The following ZNF439 variants were observed in gnomAD, a reference collection of about 807,000 sequenced individuals.
The protein encoded by ZNF439 is zinc finger protein 439.
A neutral mutation model predicts 47.3 loss-of-function variants in ZNF439; 40 were observed. The observed-to-expected ratio is 0.85, with a 90% confidence interval of 0.66 to 1.10. The LOEUF (loss-of-function observed/expected upper bound fraction) is 1.10. Ranked by LOEUF, ZNF439 falls within the 50% of genes least tolerant of loss-of-function variation. ZNF439 has a pLI of 0.00. For synonymous variants in ZNF439, 171 were observed against 198.8 expected, an observed-to-expected ratio of 0.86 and a Z score of 1.18; for missense variants, 556 against 601.1, an observed-to-expected ratio of 0.93 and a Z score of 0.78.
intron 1 of ZNF439, among the ~76,000 whole-genome samples, chr19:11,859,606 A>G (rs1393047148): frequency 1.3e-5 from 2 of 152,160 alleles, no homozygotes; most frequent in African/African-American, 4.8e-5. Context: ...AATTCCTTCA[A>G]CAACTTAAAC....
chr19:11,862,855 T>A (rs1490274209), intron 1 of ZNF439, among the ~76,000 whole-genome samples: 5 of 152,052 alleles, frequency 3.3e-5, no homozygotes, highest in Admixed American at 3.3e-4. Context: ...TTCCAGTGAT[T>A]CTTCTGCCTC....
In ZNF439 at chr19:11,848,874, T is replaced by C; in HGVS notation, c.7T>C (p.Cys3Arg). The C allele has an allele frequency of 6.4e-7, 1 of 1,568,166 alleles. No homozygotes were observed. The highest frequency in any genetic ancestry group is 2.4e-5 in the East Asian group (1 of 41,994). The change falls in exon 1 of 4, where the codon TGC (cysteine) becomes CGC (arginine). Residue 3 changes from cysteine (C) to arginine (R), a missense_variant. Transcript: ENST00000682736. ...TCGCTCTGTCACCTGCGCTATGCCC[T>C]GCTTTACTCACAGGAGCTGTAGAGA... The part of the protein sequence containing the change: MP[C>R]FTHRSCREDP...
rs1976723760 is a variant in ZNF439 at position 11,867,550 on chromosome 19, CAACAA to C, written c.497_501del (p.Gln166ProfsTer2). 3.7e-6 allele frequency: 6 copies of C among 1,613,976 alleles called. No individual in the cohort carries two copies. In the African/African-American group the frequency reaches 6.7e-5, roughly 18 times the overall value. ...ATATGGACCAAAGCCATGGAAGAGT[CAACAA>C]CCTAAAAAAGCCTTCAGATATCACC... On this transcript the variant is annotated frameshift_variant, in exon 4 of 4. Coordinates refer to ENST00000682736, the MANE Select transcript of ZNF439 (RefSeq NM_001348719.2). LOFTEE classifies it high-confidence loss of function.
At chr19:11,864,025 A>G (rs1317707379) in intron 1 of ZNF439, among the ~76,000 whole-genome samples, 3 of 152,024 alleles carry the variant, frequency 2.0e-5, no homozygotes, top group East Asian at 1.9e-4. Context: ...AGATTTTTCT[A>G]TGTTCCTAGT....
intron 1 of ZNF439, chr19:11,849,235 T>G: frequency 1.9e-6 from 2 of 1,039,096 alleles, no homozygotes; most frequent in South Asian, 6.4e-5. Context: ...TCGACTCGGG[T>G]GTGGATTTCG....
intron 1 of ZNF439, chr19:11,865,871 T>C (rs1368936477): frequency 8.6e-6 from 3 of 348,768 alleles, no homozygotes; most frequent in Non-Finnish European, 1.3e-5. Flanking sequence ...CTACTAAAAA[T>C]ACAAAATTAG....
At position 11,867,461 on chromosome 19, in the gene ZNF439, G is replaced by C. The variant is rs764205273; in HGVS notation, c.407G>C (p.Gly136Ala). 1.9e-6 allele frequency: 3 copies of C among 1,614,082 alleles called. No homozygotes were observed. The South Asian group carries it at 3.3e-5, about 18-fold the overall frequency. ...AGCTTTGTGTGTGAAGTTGGCCTAG[G>C]TAACTCATCTTCTAATATGAACATC... ...CDSFVCEVGL[G>A]NSSSNMNIRG... Residue 136 changes from glycine (G) to alanine (A), a missense_variant, in exon 4 of 4, where the codon GGT becomes GCT. Transcript: ENST00000682736.
At chr19:11,862,909 C>A (rs1976576438) in intron 1 of ZNF439, among the ~76,000 whole-genome samples, 1 of 151,862 alleles carries the variant, frequency 6.6e-6, no homozygotes, top group Non-Finnish European at 1.5e-5. Context: ...CCGCCATGCC[C>A]AGCCAATTTT....
chr19:11,849,201 C>T, intron 1 of ZNF439: 1 of 1,069,134 alleles, frequency 9.4e-7, no homozygotes, highest in Non-Finnish European at 1.1e-6. Context: ...TGTGCGGGGG[C>T]CACGGGAGGG....
chr19:11,863,679 T>A (rs1976600485), intron 1 of ZNF439, among the ~76,000 whole-genome samples: 1 of 152,206 alleles, frequency 6.6e-6, no homozygotes, highest in Non-Finnish European at 1.5e-5. Context: ...ATGTTTTTTG[T>A]GTTGTGTGTG....
Position 11,865,738 on chromosome 19 carries a change from A to AAAAAAC in ZNF439, c.64-465_64-464insAAACAA, listed in dbSNP as rs1409459624. ...AAAAAAAAAAAAAAAAAAAAAAAAA[A>AAAAAAC]AATTGCTGTCTGGGTGTGGTGGCTC... On this transcript the variant is annotated intron_variant, in intron 1 of 3. Transcript: ENST00000682736. 1.7e-3 allele frequency among the ~76,000 whole-genome samples: 253 copies of AAAAAAC among 144,838 alleles called. 3 individuals are homozygous for AAAAAAC. Among genetic ancestry groups the AAAAAAC allele is most frequent in the African/African-American group, 6.6e-3 (248 of 37,826 alleles).
chr19:11,849,739 T>C (rs1209376609), intron 1 of ZNF439: 1 of 152,194 alleles, frequency 6.6e-6, no homozygotes, highest in Non-Finnish European at 1.5e-5. Flanking sequence ...GGGTCTGTTA[T>C]CTGCCACTTC....
Position 11,868,386 on chromosome 19 carries a change from A to G in ZNF439, c.1332A>G (p.Gln444=), listed in dbSNP as rs752873079. ...GRTHTGEKPY[Q]CKECGKAFRS... is the part of the protein sequence containing the mutation. ...CTCACACTGGAGAGAAACCGTATCA[A>G]TGTAAGGAATGTGGGAAAGCTTTCA... is the stretch of plus-strand genomic sequence containing the variant. The change falls in exon 4 of 4, where the codon CAA becomes CAG. Residue 444 remains glutamine, a synonymous_variant. Transcript: ENST00000682736. 2.5e-6 allele frequency: 4 copies of G among 1,605,996 alleles called. No homozygotes were observed. The highest frequency in any genetic ancestry group is 2.2e-5 in the East Asian group (1 of 44,826).
intron 1 of ZNF439, among the ~76,000 whole-genome samples, chr19:11,854,919 G>A (rs956711872): frequency 4.6e-5 from 7 of 152,204 alleles, no homozygotes; most frequent in Admixed American, 4.6e-4. Flanking sequence ...AAACTGAGTG[G>A]TGATATTCTT....
At chr19:11,852,801 T>C (rs1422173921) in intron 1 of ZNF439, among the ~76,000 whole-genome samples, 1 of 151,772 alleles carries the variant, frequency 6.6e-6, no homozygotes, top group African/African-American at 2.4e-5. Context: ...TGAGCCACCA[T>C]GGCTGGCCTG....
At chr19:11,849,061 G>A (rs1976154768) in intron 1 of ZNF439, 131 bp downstream of exon 1, 3 of 1,226,748 alleles carry the variant, frequency 2.4e-6, no homozygotes, top group Admixed American at 3.5e-5. Flanking sequence ...CTCGGTCCCC[G>A]CGGCCGCTGG....
At chr19:11,860,402 C>A (rs1315432184) in intron 1 of ZNF439, among the ~76,000 whole-genome samples, 2 of 152,132 alleles carry the variant, frequency 1.3e-5, no homozygotes, top group Admixed American at 1.3e-4. Context: ...GCTCCCAGTA[C>A]CTCTTTAGGG....
chr19:11,853,247 G>A (rs1487420658), intron 1 of ZNF439, among the ~76,000 whole-genome samples: 2 of 152,104 alleles, frequency 1.3e-5, no homozygotes, highest in African/African-American at 2.4e-5. Flanking sequence ...TAATTTTCAA[G>A]AGTTGTATTT....
chr19:11,861,209 T>A (rs1976531032), intron 1 of ZNF439, among the ~76,000 whole-genome samples: 2 of 152,206 alleles, frequency 1.3e-5, no homozygotes. Context: ...GAATAACCAC[T>A]AGACATTTGC....
Sources: gnomAD v4.1 joint callset for allele counts (sites outside exome capture counted in the v4.1 genomes callset) on GRCh38, gnomAD v4.1.1 for gene constraint, MANE v1.5 for transcripts, NCBI Gene and HGNC (gene_info 2026-07-23, HGNC 2026-07-21) for gene names.